TPTE: variants seen among roughly 807,000 people sequenced by gnomAD.
TPTE encodes the protein putative tyrosine-protein phosphatase TPTE.
TPTE carries 59 observed loss-of-function variants against 84.1 expected under a neutral mutation model. That is an observed-to-expected ratio of 0.70 (90% confidence interval 0.57 to 0.87). The LOEUF is 0.87. Among genes scored for constraint, TPTE ranks in the 40% least tolerant of loss-of-function variants. The pLI is 0.00. For missense variants in TPTE, 382 were observed against 659.6 expected, an observed-to-expected ratio of 0.58 and a Z score of 4.61; for synonymous variants, 130 against 223.5, an observed-to-expected ratio of 0.58 and a Z score of 3.73.
intron 3 of TPTE, among the ~76,000 whole-genome samples, chr21:10,532,307 A>G (rs2074192181): frequency 1.3e-5 from 2 of 152,308 alleles, no homozygotes; most frequent in African/African-American, 4.8e-5. Context: ...ATTAGCATAT[A>G]ATTGAATAAT....
rs750881399 is a variant in TPTE at position 10,541,128 on chromosome 21, C to T, written c.28C>T (p.Leu10=). The T allele has an allele frequency of 1.2e-6, 2 of 1,613,324 alleles. No homozygotes were observed. Among genetic ancestry groups the T allele is most frequent in the Non-Finnish European group, 1.7e-6 (2 of 1,179,334 alleles). The change falls in exon 5 of 24, where the codon CTG becomes TTG. Residue 10 remains leucine, a synonymous_variant. Transcript: ENST00000618007. MNESPDPTD[L]AGVIIELGPN... ...GTCCTTTAGTCCTGATCCGACTGAC[C>T]TGGCGGGAGTCATCATTGAGCTCGG...
intron 2 of TPTE, among the ~76,000 whole-genome samples, chr21:10,525,726 A>AG (rs1384084446): frequency 6.6e-6 from 1 of 152,310 alleles, no homozygotes; most frequent in Non-Finnish European, 1.5e-5. Context: ...CACCTTCCTT[A>AG]GGGGGCAATT....
rs1262300973 is a variant in TPTE, at chr21:10,603,474, A to G, written c.1450-88A>G. Reference sequence around the variant, plus strand: ...ATGGTTATAATTGTTTGATAAATATAAAAAAGAATAAAGAAAGGAACTTCA... The same window carrying G: ...ATGGTTATAATTGTTTGATAAATATGAAAAAGAATAAAGAAAGGAACTTCA... On this transcript the variant is annotated intron_variant, in intron 22 of 23. Coordinates refer to ENST00000618007, the MANE Select transcript of TPTE (RefSeq NM_199261.4). 7.7e-6 allele frequency: 10 copies of G among 1,301,012 alleles called. No homozygotes were observed. In the African/African-American group the frequency reaches 1.3e-4, roughly 18 times the overall value. 80.6% of individuals were successfully genotyped at this position (1,301,012 alleles called of 1,614,324 possible).
At chr21:10,605,066 A>G (rs1979110814) in intron 23 of TPTE, among the ~76,000 whole-genome samples, 1 of 152,292 alleles carries the variant, frequency 6.6e-6, no homozygotes, top group South Asian at 2.1e-4. Context: ...CCTCACACAT[A>G]AATTAAAAGA....
At chr21:10,530,503 T>C (rs545237042) in intron 3 of TPTE, among the ~76,000 whole-genome samples, 366 of 152,300 alleles carry the variant, frequency 2.4e-3, no homozygotes, top group Non-Finnish European at 4.5e-3. Flanking sequence ...ATTATTCTTC[T>C]TGTGCATACC....
intron 21 of TPTE, among the ~76,000 whole-genome samples, chr21:10,601,121 A>C (rs1370812141): frequency 6.6e-6 from 1 of 152,304 alleles, no homozygotes; most frequent in Non-Finnish European, 1.5e-5. Context: ...CTAACACATA[A>C]AAATCAAATG....
At chr21:10,548,426 A>G (rs911901480) in intron 7 of TPTE, among the ~76,000 whole-genome samples, 1 of 152,302 alleles carries the variant, frequency 6.6e-6, no homozygotes, top group East Asian at 1.9e-4. Context: ...TCCATGGGCT[A>G]CTCCCAGAAG....
chr21:10,529,383 A>G (rs2074137591), intron 3 of TPTE, among the ~76,000 whole-genome samples: 1 of 152,312 alleles, frequency 6.6e-6, no homozygotes, highest in Non-Finnish European at 1.5e-5. Flanking sequence ...GGAGGACTTA[A>G]TAGAATGTCT....
At chr21:10,571,314 C>G (rs1192155671) in intron 14 of TPTE, among the ~76,000 whole-genome samples, 2 of 152,308 alleles carry the variant, frequency 1.3e-5, no homozygotes, top group Admixed American at 6.5e-5. Flanking sequence ...GAACCAAAGT[C>G]AAAGCACCCT....
chr21:10,553,237 C>G (rs970394442), intron 8 of TPTE, among the ~76,000 whole-genome samples: 1 of 152,304 alleles, frequency 6.6e-6, no homozygotes, highest in South Asian at 2.1e-4. Context: ...ATCATGTACT[C>G]ACTGTAATGA....
chr21:10,527,096 T>G lies in TPTE; in HGVS notation c.-101-259T>G, dbSNP rs1229677521. 2.0e-5 allele frequency among the ~76,000 whole-genome samples: 3 copies of G among 152,414 alleles called. No homozygotes were observed. The East Asian group carries it at 5.8e-4, about 29-fold the overall frequency. The stretch of plus-strand genomic sequence containing the variant: ...GAACTAGCCATTGATATAGAAACAT[T>G]CATTATTCTTACATTTTCTTTCTTT... On this transcript the variant is annotated intron_variant, in intron 2 of 23. Coordinates refer to ENST00000618007, the MANE Select transcript of TPTE (RefSeq NM_199261.4).
At chr21:10,572,685 G>T (rs2075070006) in intron 14 of TPTE, among the ~76,000 whole-genome samples, 1 of 152,308 alleles carries the variant, frequency 6.6e-6, no homozygotes, top group South Asian at 2.1e-4. Context: ...GAGAAATAAA[G>T]TATTTCCTAG....
At chr21:10,582,811 GC>G (rs1462436633) in intron 17 of TPTE, among the ~76,000 whole-genome samples, 9 of 152,302 alleles carry the variant, frequency 5.9e-5, no homozygotes, top group African/African-American at 2.2e-4. Flanking sequence ...TCAGTTCATT[GC>G]AACCTCCGCC....
chr21:10,545,585 A>G (rs1171350432), intron 7 of TPTE, among the ~76,000 whole-genome samples: 1 of 152,308 alleles, frequency 6.6e-6, no homozygotes, highest in African/African-American at 2.4e-5. Flanking sequence ...TGGTGGTGTC[A>G]TTGAAAACTA....
chr21:10,582,820 G>T (rs1324940991), intron 17 of TPTE, among the ~76,000 whole-genome samples: 2 of 152,304 alleles, frequency 1.3e-5, no homozygotes, highest in Non-Finnish European at 2.9e-5. Context: ...TGCAACCTCC[G>T]CCTCCTGGGT....
chr21:10,593,725 T>C (rs982591628), intron 19 of TPTE, among the ~76,000 whole-genome samples: 1 of 152,310 alleles, frequency 6.6e-6, no homozygotes, highest in African/African-American at 2.4e-5. Context: ...TCTGAAGCCC[T>C]TGCTGTGCAC....
chr21:10,572,450 C>CAAAAAAAAAAAA (rs58796102), intron 14 of TPTE, among the ~76,000 whole-genome samples: 1 of 131,982 alleles, frequency 7.6e-6, no homozygotes. Context: ...AGACTGTATC[C>CAAAAAAAAAAAA]AAAAAAAAAA....
intron 21 of TPTE, 115 bp from the exon 22 acceptor site, chr21:10,601,943 G>A (rs539120913): frequency 6.4e-4 from 688 of 1,081,560 alleles, no homozygotes; most frequent in Non-Finnish European, 8.0e-4. Context: ...TGTAGTGATT[G>A]GGCTGTGAGA....
intron 1 of TPTE, among the ~76,000 whole-genome samples, chr21:10,522,675 G>A (rs364245): frequency 0.88 from 134,398 of 152,248 alleles, 58,278 homozygotes; most frequent in Non-Finnish European, 0.96. Context: ...TATTTTGCCC[G>A]TTTTTTAAAA....
Sources: allele counts gnomAD v4.1 joint callset (sites outside exome capture counted in the v4.1 genomes callset), GRCh38; gene constraint gnomAD v4.1.1; transcripts MANE v1.5; gene names NCBI Gene and HGNC (gene_info 2026-07-23, HGNC 2026-07-21).